Variants in CCDC88C observed in about 807,000 individuals in gnomAD.
CCDC88C encodes protein Daple.
CCDC88C carries 131 observed loss-of-function variants against 198.8 expected under a neutral mutation model. The observed-to-expected ratio is 0.66, with a 90% confidence interval of 0.57 to 0.76. The LOEUF (loss-of-function observed/expected upper bound fraction) is 0.76, where lower values mean the gene tolerates loss of function less well. Ranked by LOEUF, CCDC88C falls within the 30% of genes least tolerant of loss-of-function variation. CCDC88C has a pLI of 0.00. For missense variants in CCDC88C, 2,553 were observed against 2,631.6 expected (o/e 0.97, Z 0.65); for synonymous variants, 1,166 against 1,114.7 (o/e 1.05, Z -0.92).
intron 26 of CCDC88C, among the ~76,000 whole-genome samples, 178 bp downstream of exon 26, chr14:91,283,151 C>G (rs915057551): frequency 6.6e-6 from 1 of 152,200 alleles, no homozygotes. Flanking sequence ...TGCCCAAAGT[C>G]CTTGGCTGGT....
chr14:91,338,880 T>C lies in CCDC88C; in HGVS notation c.810-310A>G. 4.1e-6 allele frequency: 2 copies of C among 483,136 alleles called. No homozygotes were observed. The highest frequency in any genetic ancestry group is 3.3e-5 in the Admixed American group (1 of 30,246). The allele number at this position is 483,136 out of a possible 1,614,324, so 29.9% of individuals were successfully genotyped here. ...CCACAGCCAGGCTCCACAGGTGACA[T>C]CCATCAGCTGCAGGAAACCTGGGAG... On this transcript the variant is annotated intron_variant, in intron 8 of 29. Transcript: ENST00000389857. This position sits in a 1 kb window ranked among gnomAD's most constrained non-coding sequence, Gnocchi z 4.8.
chr14:91,276,342 T>G (rs1265202354), intron 29 of CCDC88C, among the ~76,000 whole-genome samples: 1 of 152,260 alleles, frequency 6.6e-6, no homozygotes, highest in Non-Finnish European at 1.5e-5. Context: ...GGCCCTCCTT[T>G]GTTTTTCTCC....
chr14:91,339,039 C>T lies in CCDC88C; in HGVS notation c.809+239G>A. 2 of 603,514 alleles carry T rather than the reference C, an allele frequency of 3.3e-6. No homozygotes were observed. Among genetic ancestry groups the T allele is most frequent in the South Asian group, 1.8e-5 (1 of 54,712 alleles). The allele number at this position is 603,514 out of a possible 1,614,324, so 37.4% of individuals were successfully genotyped here. ...AGGCTGCTTCTGTGGACAACTTGCA[C>T]CGTCTGGACGGGAGGAAACCCTGAA... On this transcript the variant is annotated intron_variant, in intron 8 of 29. Coordinates refer to ENST00000389857, the MANE Select transcript of CCDC88C (RefSeq NM_001080414.4). This position sits in a 1 kb window ranked among gnomAD's most constrained non-coding sequence, Gnocchi z 5.8.
At chr14:91,354,604 T>C in intron 4 of CCDC88C, among the ~76,000 whole-genome samples, 1 of 152,166 alleles carries the variant, frequency 6.6e-6, no homozygotes, top group East Asian at 1.9e-4. Flanking sequence ...CACTGACAAC[T>C]GGCCTTCTTA....
intron 3 of CCDC88C, among the ~76,000 whole-genome samples, chr14:91,404,759 C>G (rs936177839): frequency 6.6e-6 from 1 of 151,900 alleles, no homozygotes; most frequent in Admixed American, 6.6e-5. Context: ...GTCAGGAGAT[C>G]GAGACCATCC....
At position 91,274,714 on chromosome 14, in the gene CCDC88C, C is replaced by T. The variant is rs561291450; in HGVS notation, c.5059-1061G>A. Among the ~76,000 whole-genome samples the T allele has an allele frequency of 5.9e-5, 9 of 152,320 alleles. No individual in the cohort carries two copies. The East Asian group carries it at 1.7e-3, about 29-fold the overall frequency. On this transcript the variant is annotated intron_variant, in intron 29 of 29. Transcript: ENST00000389857. ...GTGATATCACAGGTACCTTTCATCA[C>T]CTGTGGGGCCATGTGCTGTTCTGGG...
At chr14:91,281,733 C>T (rs928202164) in intron 26 of CCDC88C, among the ~76,000 whole-genome samples, 2 of 152,136 alleles carry the variant, frequency 1.3e-5, no homozygotes, top group South Asian at 4.1e-4. Context: ...CGATTCCCAT[C>T]CCCTTTAAAT....
intron 3 of CCDC88C, among the ~76,000 whole-genome samples, chr14:91,377,626 C>T (rs2139943274): frequency 1.3e-5 from 2 of 152,250 alleles, no homozygotes; most frequent in Admixed American, 1.3e-4. Flanking sequence ...CCCAGAAGTG[C>T]TAAGAACCAT....
At chr14:91,408,951 A>G (rs1886656961) in intron 2 of CCDC88C, among the ~76,000 whole-genome samples, 184 bp from the exon 3 acceptor site, 1 of 152,118 alleles carries the variant, frequency 6.6e-6, no homozygotes, top group African/African-American at 2.4e-5. Context: ...GGTGGGCCAC[A>G]TCGCCTTTCT....
At chr14:91,405,964 A>G (rs765205671) in intron 3 of CCDC88C, among the ~76,000 whole-genome samples, 1 of 152,216 alleles carries the variant, frequency 6.6e-6, no homozygotes, top group Non-Finnish European at 1.5e-5. Context: ...CGAGACTGCC[A>G]GCGCACACCA....
rs750106743 is a variant in CCDC88C at position 91,416,813 on chromosome 14, C to A, written c.86G>T (p.Ser29Ile). ...CATAGTCAGGTTGTCCTGGCTGCCG[C>A]TTCCAAACGGGCCAAAAGTTTTCAC... ...TWVKTFGPFGSGSQDNLTMYM... is the reference protein window; with the variant it reads ...TWVKTFGPFGIGSQDNLTMYM... Residue 29 changes from serine (S) to isoleucine (I), a missense_variant, in exon 2 of 30, where the codon AGC (serine) becomes ATC (isoleucine). Around this residue, in one of 2 missense-constraint regions of CCDC88C, gnomAD observed 1,260 missense variants for 1,412.0 expected, o/e 0.89. Coordinates refer to ENST00000389857, the MANE Select transcript of CCDC88C (RefSeq NM_001080414.4). 1.5e-5 allele frequency: 24 copies of A among 1,613,506 alleles called. No homozygotes were observed. The highest frequency in any genetic ancestry group is 2.0e-5 in the Non-Finnish European group (24 of 1,179,700).
intron 2 of CCDC88C, among the ~76,000 whole-genome samples, chr14:91,409,832 T>G (rs61988442): frequency 0.17 from 25,716 of 152,140 alleles, 2,755 homozygotes; most frequent in Non-Finnish European, 0.25. Context: ...ATCATAATGT[T>G]CCATTAAACA....
At position 91,352,763 on chromosome 14, in the gene CCDC88C, G is replaced by A. The variant is rs1466869547; in HGVS notation, c.340+6879C>T. Reference sequence around the variant, plus strand: ...AATGGCTCATGAAGCCTGAGTGGCCGACCCTCAGCCTCCACACCACACGGT... The same window carrying A: ...AATGGCTCATGAAGCCTGAGTGGCCAACCCTCAGCCTCCACACCACACGGT... On this transcript the variant is annotated intron_variant, in intron 4 of 29. Coordinates refer to ENST00000389857, the MANE Select transcript of CCDC88C (RefSeq NM_001080414.4). The surrounding 1 kb of genome is among the most constrained non-coding windows in gnomAD (Gnocchi z 4.2). Among the ~76,000 whole-genome samples the A allele has an allele frequency of 6.6e-6, 1 of 152,082 alleles. No homozygotes were observed. The highest frequency in any genetic ancestry group is 2.4e-5 in the African/African-American group (1 of 41,434).
intron 3 of CCDC88C, among the ~76,000 whole-genome samples, chr14:91,407,196 C>A (rs1266880834): frequency 6.6e-6 from 1 of 152,212 alleles, no homozygotes; most frequent in Non-Finnish European, 1.5e-5. Flanking sequence ...ACAGAAGCAA[C>A]CACAGCCCTC....
chr14:91,335,996 T>G (rs1057281506), intron 10 of CCDC88C, among the ~76,000 whole-genome samples: 6 of 152,208 alleles, frequency 3.9e-5, no homozygotes, highest in Non-Finnish European at 7.4e-5. Context: ...AACCCACGTT[T>G]GTCTCACTAC....
chr14:91,384,784 C>T (rs1885026109), intron 3 of CCDC88C, among the ~76,000 whole-genome samples: 1 of 152,130 alleles, frequency 6.6e-6, no homozygotes, highest in African/African-American at 2.4e-5. Context: ...CTGCTGGACT[C>T]CGGATCCTGG....
At chr14:91,367,731 A>G (rs925085801) in intron 3 of CCDC88C, among the ~76,000 whole-genome samples, 1 of 152,158 alleles carries the variant, frequency 6.6e-6, no homozygotes, top group African/African-American at 2.4e-5. Flanking sequence ...CGTGAGGGAC[A>G]GAGCCAGGAA....
At position 91,297,443 on chromosome 14, in the gene CCDC88C, G is replaced by A. The variant is rs150996350; in HGVS notation, c.3828C>T (p.His1276=). 6.8e-4 allele frequency: 1,088 copies of A among 1,591,734 alleles called. 7 individuals are homozygous for A. The African/African-American group carries it at 0.013, about 19-fold the overall frequency. ...AGGTTTTCAGCTCCTTGGTGTGGGC[G>A]TGCAGCTCCTCGTACTCCCCCTTCA... ...HQLKGEYEEL[H]AHTKELKTSL... is the part of the protein sequence containing the mutation. The change falls in exon 22 of 30, where the codon CAC becomes CAT. Residue 1276 remains histidine, a synonymous_variant. Transcript: ENST00000389857.
rs762398207 is a variant in CCDC88C at position 91,303,983 on chromosome 14, C to G, written c.3358-5G>C. 1.9e-6 allele frequency: 3 copies of G among 1,595,452 alleles called. No homozygotes were observed. Among genetic ancestry groups the G allele is most frequent in the Non-Finnish European group, 1.7e-6 (2 of 1,172,452 alleles). ...ACTCAGCGTGGAGTTCTCCACCTGC[C>G]GAGAGGGAGAAGCGCGGCGTGGCGC... On this transcript the variant is annotated splice_region_variant and splice_polypyrimidine_tract_variant and intron_variant, in intron 19 of 29. Coordinates refer to ENST00000389857, the MANE Select transcript of CCDC88C (RefSeq NM_001080414.4).
Sources: gnomAD v4.1 joint callset for allele counts (sites outside exome capture counted in the v4.1 genomes callset) on GRCh38, gnomAD v4.1.1 for gene constraint, gnomAD v4.1.1 regional missense constraint, Gnocchi (gnomAD v3.1) non-coding constraint, MANE v1.5 for transcripts, NCBI Gene and HGNC (gene_info 2026-07-23, HGNC 2026-07-21) for gene names.